The following SMIM45 variants were observed in gnomAD, a reference collection of about 807,000 sequenced individuals.
SMIM45 encodes long intergenic non-protein coding RNA 634.
chr22:41,947,576 C>T, the SMIM45 span, among the ~76,000 whole-genome samples: 2 of 151,850 alleles, frequency 1.3e-5, no homozygotes, highest in African/African-American at 2.4e-5. Flanking sequence ...CCAAGTTGCC[C>T]AGGCCGGTCT....
the SMIM45 span, among the ~76,000 whole-genome samples, chr22:41,955,184 A>ATT: frequency 1.1e-4 from 16 of 147,418 alleles, no homozygotes; most frequent in South Asian, 4.3e-4. Flanking sequence ...TTTTATTTTA[A>ATT]TTTTTTTTTT....
At chr22:41,950,201 C>T in the SMIM45 span, among the ~76,000 whole-genome samples, 2 of 152,198 alleles carry the variant, frequency 1.3e-5, no homozygotes, top group South Asian at 2.1e-4. Flanking sequence ...GGATCACATA[C>T]TTTACAGATT....
At chr22:41,957,112 G>GT in the SMIM45 span, among the ~76,000 whole-genome samples, 1 of 151,130 alleles carries the variant, frequency 6.6e-6, no homozygotes, top group African/African-American at 2.4e-5. Flanking sequence ...TAGGAGCTGG[G>GT]TGTCCCCATG....
the SMIM45 span, among the ~76,000 whole-genome samples, chr22:41,948,446 C>A: frequency 1.3e-5 from 2 of 152,130 alleles, no homozygotes; most frequent in Non-Finnish European, 2.9e-5. Context: ...AGCAGAGACA[C>A]TGTCTAGCCT....
chr22:41,957,221 T>C, the SMIM45 span, among the ~76,000 whole-genome samples: 6 of 117,172 alleles, frequency 5.1e-5, no homozygotes, highest in African/African-American at 6.9e-5. Flanking sequence ...TGAGACGGAG[T>C]ATCGCTCTGT....
the SMIM45 span, among the ~76,000 whole-genome samples, chr22:41,953,756 T>G: frequency 5.6e-5 from 6 of 106,522 alleles, no homozygotes; most frequent in Non-Finnish European, 1.1e-4. Flanking sequence ...TTTTTTTTTT[T>G]TTTTTTTTTT....
chr22:41,947,107 G>C, the SMIM45 span: 72 of 1,609,544 alleles, frequency 4.5e-5, no homozygotes, highest in Non-Finnish European at 5.9e-5. Context: ...TTGCTCCTGC[G>C]GTGCGCGCCG....
the SMIM45 span, among the ~76,000 whole-genome samples, chr22:41,949,751 C>T: frequency 2.6e-5 from 4 of 152,170 alleles, no homozygotes; most frequent in African/African-American, 7.2e-5. Flanking sequence ...GGGAGGCCAT[C>T]GGGGAGCAGC....
At chr22:41,950,516 G>A in the SMIM45 span, among the ~76,000 whole-genome samples, 1 of 151,452 alleles carries the variant, frequency 6.6e-6, no homozygotes, top group Non-Finnish European at 1.5e-5. Context: ...TGGGCAATAT[G>A]GCAAAATCTT....
At chr22:41,958,462 G>A in the SMIM45 span, 1 of 446,096 alleles carries the variant, frequency 2.2e-6, no homozygotes, top group East Asian at 7.0e-5. Context: ...ATAAGACCGT[G>A]GTAGAGGAGA....
the SMIM45 span, among the ~76,000 whole-genome samples, chr22:41,956,614 C>A: frequency 6.6e-6 from 1 of 152,222 alleles, no homozygotes; most frequent in South Asian, 2.1e-4. Context: ...GAGGAGGCAT[C>A]GCCCAACCTG....
chr22:41,958,375 C>A, the SMIM45 span: 1 of 456,596 alleles, frequency 2.2e-6, no homozygotes, highest in Non-Finnish European at 4.4e-6. Context: ...GGGATGTCAG[C>A]TTGGGCCAGA....
chr22:41,958,231 C>T, the SMIM45 span: 1 of 449,556 alleles, frequency 2.2e-6, no homozygotes, highest in Admixed American at 2.4e-5. Flanking sequence ...CTATGGCTGC[C>T]TGTCCTGAGG....
chr22:41,954,034 T>C, the SMIM45 span, among the ~76,000 whole-genome samples: 4 of 150,414 alleles, frequency 2.7e-5, no homozygotes, highest in African/African-American at 9.7e-5. Context: ...ACCCAGGTGA[T>C]AGAGCTTTTG....
chr22:41,951,849 G>T, the SMIM45 span, among the ~76,000 whole-genome samples: 1 of 152,064 alleles, frequency 6.6e-6, no homozygotes, highest in Non-Finnish European at 1.5e-5. Context: ...ATTTACCCCA[G>T]CATCTCCCTG....
chr22:41,949,243 CA>C, the SMIM45 span, among the ~76,000 whole-genome samples: 8,699 of 133,148 alleles, frequency 0.065, 758 homozygotes, highest in African/African-American at 0.21. Flanking sequence ...GACTCCATCT[CA>C]AAAAAAAAAA....
chr22:41,958,439 G>A, the SMIM45 span: 2 of 455,200 alleles, frequency 4.4e-6, no homozygotes, highest in South Asian at 3.1e-5. Flanking sequence ...GTGTGGTGGG[G>A]GTATGCAGAG....
chr22:41,947,311 G>A, the SMIM45 span: 1 of 575,364 alleles, frequency 1.7e-6, no homozygotes, highest in Non-Finnish European at 3.1e-6. Flanking sequence ...TCCACAGTAA[G>A]CAGGTTTTTA....
the SMIM45 span, chr22:41,958,563 T>G: frequency 0.21 from 72,226 of 342,276 alleles, 8,587 homozygotes; most frequent in African/African-American, 0.32. Context: ...TGAGAGAGAG[T>G]GTGGGGGCCC....
Sources: allele counts gnomAD v4.1 joint callset (sites outside exome capture counted in the v4.1 genomes callset), GRCh38; gene constraint gnomAD v4.1.1; transcripts MANE v1.5; gene names NCBI Gene and HGNC (gene_info 2026-07-23, HGNC 2026-07-21).